TRPV1: variants seen among roughly 807,000 people sequenced by gnomAD.
TRPV1 encodes OTRPC1.
A neutral mutation model predicts 82.3 loss-of-function variants in TRPV1; 82 were observed. The observed-to-expected ratio is 1.00, with a 90% CI of 0.83 to 1.20. TRPV1 has a LOEUF of 1.20. TRPV1 is among the 50% of genes most tolerant of loss of function. The probability of loss-of-function intolerance (pLI) is 0.00; values close to 1 mark genes in which losing one functional copy is unlikely to be tolerated. For synonymous variants in TRPV1, 515 were observed against 467.7 expected (o/e 1.10, Z -1.30); for missense variants, 1,067 against 1,096.8 (o/e 0.97, Z 0.38).
intron 11 of TRPV1, among the ~76,000 whole-genome samples, chr17:3,579,987 G>A (rs1196125419): frequency 2.6e-5 from 4 of 151,988 alleles, no homozygotes; most frequent in Non-Finnish European, 5.9e-5. Context: ...GTAGAGGCCG[G>A]TGATGCTGCT....
intron 5 of TRPV1, 25 bp from the exon 6 acceptor site, chr17:3,590,417 T>C (rs911492542): frequency 1.9e-6 from 3 of 1,609,000 alleles, no homozygotes; most frequent in African/African-American, 2.7e-5. Context: ...CACGGTTGGC[T>C]TCGTGGTCAC....
chr17:3,606,204 C>T (rs977759252), intron 2 of TRPV1, among the ~76,000 whole-genome samples: 4 of 152,154 alleles, frequency 2.6e-5, no homozygotes, highest in Non-Finnish European at 2.9e-5. Flanking sequence ...TCAAGTGATC[C>T]GCCCTCCTCG....
intron 8 of TRPV1, among the ~76,000 whole-genome samples, chr17:3,587,527 A>G (rs1597537110): frequency 6.6e-6 from 1 of 152,324 alleles, no homozygotes; most frequent in East Asian, 1.9e-4. Context: ...CTACACAAAA[A>G]TAAGTTCTTG....
chr17:3,588,877 C>T, intron 7 of TRPV1: 2 of 1,533,070 alleles, frequency 1.3e-6, no homozygotes, highest in South Asian at 1.2e-5. Flanking sequence ...ATACTACCTG[C>T]ACCATATCAG....
chr17:3,587,493 TTAAG>T (rs777538709), intron 8 of TRPV1, among the ~76,000 whole-genome samples: 3 of 152,164 alleles, frequency 2.0e-5, no homozygotes, highest in African/African-American at 7.2e-5. Context: ...GCCAAAATAT[TTAAG>T]TAAGATGCCT....
At position 3,590,535 on chromosome 17, in the gene TRPV1, G is replaced by C; in HGVS notation, c.605-143C>G. The C allele has an allele frequency of 2.3e-6, 3 of 1,315,604 alleles. No homozygotes were observed. In the South Asian group the frequency reaches 4.5e-5, roughly 20 times the overall value. 81.5% of individuals were successfully genotyped at this position (1,315,604 alleles called of 1,614,324 possible). A position where few individuals can be genotyped will look rare whatever the true frequency, so the allele number is the denominator to read the frequency against. ...TGCCTGGAGGACCCCCCCACTGCAG[G>C]AGGCCAGGCCAGGGTCCCCCAAGGG... is the stretch of plus-strand genomic sequence containing the variant. On this transcript the variant is annotated intron_variant, in intron 5 of 16. Coordinates refer to ENST00000572705, the MANE Select transcript of TRPV1 (RefSeq NM_080704.4).
At chr17:3,596,225 G>A (rs1012352594) in intron 2 of TRPV1, among the ~76,000 whole-genome samples, 3 of 152,104 alleles carry the variant, frequency 2.0e-5, no homozygotes, top group Admixed American at 1.3e-4. Flanking sequence ...CTGGGGGAAG[G>A]ATCCCTTCTC....
chr17:3,588,980 A>T (rs2075118741), intron 7 of TRPV1: 1 of 1,535,036 alleles, frequency 6.5e-7, no homozygotes, highest in Admixed American at 2.0e-5. Context: ...GCCAGAAAGA[A>T]AGAAAGAGAA....
intron 16 of TRPV1, among the ~76,000 whole-genome samples, chr17:3,568,219 G>T (rs1408319126): frequency 1.3e-5 from 2 of 151,736 alleles, no homozygotes; most frequent in Non-Finnish European, 2.9e-5. Context: ...CTACTCGGGA[G>T]GCTGAAGCAG....
intron 16 of TRPV1, among the ~76,000 whole-genome samples, chr17:3,567,958 C>G (rs1488803953): frequency 2.0e-5 from 3 of 152,082 alleles, no homozygotes; most frequent in African/African-American, 7.2e-5. Flanking sequence ...TAATACAAAT[C>G]AACTGCCAAG....
chr17:3,579,812 G>C (rs554891729), intron 11 of TRPV1, among the ~76,000 whole-genome samples: 2 of 152,294 alleles, frequency 1.3e-5, no homozygotes, highest in East Asian at 3.9e-4. Flanking sequence ...TCACTCATCT[G>C]CTTCCTCCTA....
chr17:3,580,657 G>T, intron 10 of TRPV1, 130 bp from the exon 11 acceptor site: 1 of 965,252 alleles, frequency 1.0e-6, no homozygotes, highest in Non-Finnish European at 1.6e-6. Flanking sequence ...TGTGAAAAGA[G>T]CAGAACAGCA....
intron 10 of TRPV1, among the ~76,000 whole-genome samples, chr17:3,582,902 G>A (rs1026844946): frequency 4.7e-5 from 7 of 148,684 alleles, no homozygotes; most frequent in South Asian, 4.4e-4. Context: ...AGCCGAGATC[G>A]TGCCACTAGC....
At chr17:3,576,668 A>AAAAAAAAAAAAAAAAAAATATAT in intron 13 of TRPV1, among the ~76,000 whole-genome samples, 15 of 38,394 alleles carry the variant, frequency 3.9e-4, no homozygotes, top group Non-Finnish European at 4.7e-4. Context: ...AAAAAAAAAA[A>AAAAAAAAAAAAAAAAAAATATAT]ATATATATAT....
chr17:3,580,709 A>T (rs954578102), intron 10 of TRPV1, among the ~76,000 whole-genome samples, 182 bp from the exon 11 acceptor site: 1 of 152,200 alleles, frequency 6.6e-6, no homozygotes, highest in Non-Finnish European at 1.5e-5. Context: ...CCCAGTCAGT[A>T]GAGATGGTTA....
At chr17:3,567,082 G>C (rs2074773770) in intron 16 of TRPV1, 95 bp from the exon 17 acceptor site, 1 of 1,414,744 alleles carries the variant, frequency 7.1e-7, no homozygotes. Context: ...TCCAAGACAG[G>C]CACGATGGCT....
chr17:3,588,326 C>G lies in TRPV1; in HGVS notation c.1086G>C (p.Glu362Asp). Residue 362 changes from glutamate to aspartate, a missense_variant, in exon 8 of 17, where the codon GAG (glutamate) becomes GAC (aspartate). By Grantham distance (45) the Glu-to-Asp change is conservative. Coordinates refer to ENST00000572705, the MANE Select transcript of TRPV1 (RefSeq NM_080704.4). Reference sequence around the variant, plus strand: ...TGAACTTCCTGGACAGGTGCCTGCACTCGGGCTCCTGGATCTCCCGCTGGA... The same window carrying G: ...TGAACTTCCTGGACAGGTGCCTGCAGTCGGGCTCCTGGATCTCCCGCTGGA... Reference protein sequence around the residue: ...YILQREIQEPECRHLSRKFTE... With the variant: ...YILQREIQEPDCRHLSRKFTE... The G allele has an allele frequency of 6.4e-7, 1 of 1,566,258 alleles. No individual in the cohort carries two copies. Among genetic ancestry groups the G allele is most frequent in the Non-Finnish European group, 8.7e-7 (1 of 1,155,786 alleles).
chr17:3,577,520 CG>C, intron 12 of TRPV1, 77 bp downstream of exon 12: 1 of 1,476,844 alleles, frequency 6.8e-7, no homozygotes, highest in Non-Finnish European at 9.2e-7. Context: ...AGAGGATGGG[CG>C]GAGTTCTTGG....
chr17:3,583,525 G>A (rs998151789), intron 9 of TRPV1, 95 bp from the exon 10 acceptor site: 1 of 1,028,652 alleles, frequency 9.7e-7, no homozygotes, highest in Non-Finnish European at 1.5e-6. Flanking sequence ...CTGCCCAGGA[G>A]GCACAGCCTC....
Sources: allele counts gnomAD v4.1 joint callset (sites outside exome capture counted in the v4.1 genomes callset), GRCh38; gene constraint gnomAD v4.1.1; transcripts MANE v1.5; gene names NCBI Gene and HGNC (gene_info 2026-07-23, HGNC 2026-07-21).